Variants in MGAM observed in about 807,000 individuals in gnomAD.
The protein encoded by MGAM is alpha-1,4-glucosidase.
MGAM carries 253 observed loss-of-function variants against 358.8 expected under a neutral mutation model. That is an observed-to-expected ratio of 0.71 (90% CI 0.64 to 0.78). The LOEUF is 0.78. MGAM is among the 30% of genes least tolerant of loss of function. The probability of loss-of-function intolerance (pLI) is 0.00; values close to 1 mark genes in which losing one functional copy is unlikely to be tolerated. For missense variants in MGAM, 3,080 were observed against 3,432.6 expected (o/e 0.90, Z 2.57); for synonymous variants, 1,105 against 1,227.1 (o/e 0.90, Z 2.08).
chr7:142,018,003 T>C (rs1554456871), intron 3 of MGAM, among the ~76,000 whole-genome samples: 1 of 152,206 alleles, frequency 6.6e-6, no homozygotes, highest in East Asian at 1.9e-4. Flanking sequence ...GGGCCAAAGG[T>C]AATTCATCTG....
At chr7:142,065,948 T>TG (rs1812702008) in intron 40 of MGAM, 117 bp downstream of exon 40, 3 of 839,834 alleles carry the variant, frequency 3.6e-6, no homozygotes, top group East Asian at 5.7e-5. Context: ...AAGGTGTTTT[T>TG]TTTTGTTTTG....
rs75802968 is a variant in MGAM at position 141,999,711 on chromosome 7, T to C, written c.-3+3781T>C. On this transcript the variant is annotated intron_variant, in intron 1 of 70. Transcript: ENST00000475668. ...AAAATAGTCAAAGATTAAGGACAGA[T>C]TGCCAAGTAGCAGTTTTTTAAAAAA... Among the ~76,000 whole-genome samples the C allele has an allele frequency of 1.7e-3, 261 of 152,342 alleles. 1 individual carries two copies. The highest frequency in any genetic ancestry group is 0.01 in the Middle Eastern group (3 of 294).
upstream of MGAM, among the ~76,000 whole-genome samples, chr7:141,994,788 C>T (rs1320896175): frequency 6.6e-6 from 1 of 152,196 alleles, no homozygotes; most frequent in Non-Finnish European, 1.5e-5. Context: ...CTTGCTCACT[C>T]TCTCTGGCCT....
chr7:142,063,711 G>A, intron 36 of MGAM, 125 bp downstream of exon 36: 1 of 1,138,668 alleles, frequency 8.8e-7, no homozygotes. Context: ...GTTTACTGGG[G>A]ACCAGAGACA....
chr7:142,082,979 C>T (rs1308916403), intron 52 of MGAM, among the ~76,000 whole-genome samples: 1 of 145,784 alleles, frequency 6.9e-6, no homozygotes, highest in Non-Finnish European at 1.6e-5. Context: ...GGATTCATAC[C>T]CCAAACTTCA....
Position 142,050,931 on chromosome 7 carries a change from C to A in MGAM, c.2805+67C>A, listed in dbSNP as rs547134474. The stretch of plus-strand genomic sequence containing the variant: ...CATAGCATCGTGATGTTCCTTCTTG[C>A]CAAGTTTGCATGGGTCCCTGAAGGA... On this transcript the variant is annotated intron_variant, in intron 24 of 70. Transcript: ENST00000475668. 49 of 1,606,490 alleles carry A rather than the reference C, an allele frequency of 3.1e-5. No individual in the cohort carries two copies. In the African/African-American group the frequency reaches 6.2e-4, roughly 20 times the overall value.
chr7:142,099,852 T>C, intron 67 of MGAM, 115 bp downstream of exon 67: 1 of 1,420,176 alleles, frequency 7.0e-7, no homozygotes, highest in South Asian at 1.4e-5. Context: ...TACTCAACAC[T>C]TGTTTTTTCT....
At chr7:142,019,611 TG>T (rs1201495375) in intron 4 of MGAM, among the ~76,000 whole-genome samples, 2 of 152,200 alleles carry the variant, frequency 1.3e-5, no homozygotes, top group Non-Finnish European at 2.9e-5. Flanking sequence ...CCTTTTAAAG[TG>T]GGGGATTTGA....
At chr7:142,095,892 A>C in intron 64 of MGAM, 179 bp downstream of exon 64, 1 of 992,878 alleles carries the variant, frequency 1.0e-6, no homozygotes, top group Admixed American at 2.7e-5. Flanking sequence ...TCATTAATAA[A>C]AGGTTATTGA....
In MGAM at chr7:142,005,621, A is replaced by G. The variant is rs782681405; in HGVS notation, c.91A>G (p.Ile31Val). 1 of 1,598,332 alleles carries G rather than the reference A, an allele frequency of 6.3e-7. No individual in the cohort carries two copies. Among genetic ancestry groups the G allele is most frequent in the Non-Finnish European group, 8.5e-7 (1 of 1,171,908 alleles). The change falls in exon 2 of 71, where the codon ATT becomes GTT. Residue 31 changes from isoleucine (I) to valine (V), a missense_variant. Ile to Val is a conservative substitution (Grantham distance 29). Around this residue, in one of 5 missense-constraint regions of MGAM, gnomAD observed 1,816 missense variants for 1,840.5 expected, o/e 0.99. Transcript: ENST00000475668. ...GTTGTTTATCATCAGTATTGTTCTAATTGTGCTTTTAGCCAAAGAGTCACT... is the reference window on the plus strand; with the variant it reads ...GTTGTTTATCATCAGTATTGTTCTAGTTGTGCTTTTAGCCAAAGAGTCACT... Reference protein sequence around the residue: ...LVLFIISIVLIVLLAKESLKS... With the variant: ...LVLFIISIVLVVLLAKESLKS...
intron 43 of MGAM, 124 bp from the exon 44 acceptor site, chr7:142,070,870 T>A (rs73740263): frequency 0.054 from 68,627 of 1,275,016 alleles, 9,254 homozygotes; most frequent in African/African-American, 0.23. Flanking sequence ...TAATAGCAGG[T>A]ATGTTGCAAA....
At chr7:142,052,478 G>C in intron 25 of MGAM, 32 bp downstream of exon 25, 2 of 1,610,706 alleles carry the variant, frequency 1.2e-6, no homozygotes, top group Non-Finnish European at 1.7e-6. Flanking sequence ...GTGTGCATGA[G>C]AATCTCCACA....
intron 66 of MGAM, 49 bp from the exon 67 acceptor site, chr7:142,099,564 G>A: frequency 6.2e-7 from 1 of 1,613,416 alleles, no homozygotes. Context: ...ATTGTTCAGG[G>A]AGGGGCCTGT....
At chr7:142,055,465 G>A in intron 27 of MGAM, 93 bp from the exon 28 acceptor site, 1 of 1,470,102 alleles carries the variant, frequency 6.8e-7, no homozygotes, top group Non-Finnish European at 9.5e-7. Flanking sequence ...TTCTTGGTAG[G>A]AATCAAGTGT....
At chr7:142,095,824 T>G in intron 64 of MGAM, 111 bp downstream of exon 64, 17 of 1,465,396 alleles carry the variant, frequency 1.2e-5, no homozygotes, top group Non-Finnish European at 1.6e-5. Context: ...ACATGAGCTC[T>G]TCAGGTGCAG....
chr7:142,096,684 C>T (rs1478784154), intron 65 of MGAM, among the ~76,000 whole-genome samples: 4 of 152,102 alleles, frequency 2.6e-5, no homozygotes, highest in East Asian at 1.9e-4. Context: ...ATCGTTTCTT[C>T]GTTAACTAAA....
Position 142,059,921 on chromosome 7 carries a change from C to T in MGAM, c.4014C>T (p.Asp1338=), listed in dbSNP as rs368342660. 2.5e-5 allele frequency: 40 copies of T among 1,610,556 alleles called. No homozygotes were observed. Among genetic ancestry groups the T allele is most frequent in the Middle Eastern group, 1.6e-4 (1 of 6,082 alleles). ...YPAFTRGVED[D]VFIKYPNDGD... ...CCTTCACTCGGGGCGTGGAGGATGA[C>T]GTCTTCATCAAATACCCAAATGATG... is the stretch of plus-strand genomic sequence containing the variant. The change falls in exon 33 of 71, where the codon GAC becomes GAT. Residue 1338 remains aspartate, a synonymous_variant. Transcript: ENST00000475668.
intron 4 of MGAM, 102 bp from the exon 5 acceptor site, chr7:142,020,872 G>A: frequency 1.2e-6 from 1 of 826,656 alleles, no homozygotes; most frequent in Admixed American, 2.2e-5. Context: ...GATTACAGGT[G>A]TGAACCACTG....
At chr7:142,034,571 G>A in intron 15 of MGAM, 99 bp from the exon 16 acceptor site, 2 of 1,132,882 alleles carry the variant, frequency 1.8e-6, no homozygotes, top group African/African-American at 3.1e-5. Flanking sequence ...GAAGAGAATG[G>A]GTTATTCACT....
Sources: gnomAD v4.1 joint callset for allele counts (sites outside exome capture counted in the v4.1 genomes callset) on GRCh38, gnomAD v4.1.1 for gene constraint, gnomAD v4.1.1 regional missense constraint, MANE v1.5 for transcripts, NCBI Gene and HGNC (gene_info 2026-07-23, HGNC 2026-07-21) for gene names.